Variants in LYRM4 observed in about 807,000 individuals in gnomAD.
LYRM4 encodes the protein LYR motif-containing protein 4.
Under a neutral mutation model 11.7 loss-of-function variants are expected in LYRM4, and 9 were observed. The ratio of observed to expected loss-of-function variants is 0.77; its 90% confidence interval spans 0.46 to 1.34. LYRM4 has a LOEUF of 1.34. Among genes scored for constraint, LYRM4 ranks in the 40% most tolerant of loss-of-function variants. The probability of loss-of-function intolerance (pLI) is 0.00; values close to 1 mark genes in which losing one functional copy is unlikely to be tolerated. For synonymous variants in LYRM4, 42 were observed against 40.4 expected (o/e 1.04, Z -0.15); for missense variants, 133 against 112.5 (o/e 1.18, Z -0.82).
At chr6:5,068,335 G>C in the LYRM4 span, among the ~76,000 whole-genome samples, 4 of 152,206 alleles carry the variant, frequency 2.6e-5, no homozygotes, top group Non-Finnish European at 5.9e-5. The surrounding 1 kb of genome is among the most constrained non-coding windows in gnomAD (Gnocchi z 4.0). Context: ...GTCAGGACTT[G>C]CCTGGGATCA....
the LYRM4 span, among the ~76,000 whole-genome samples, chr6:5,038,862 C>A: frequency 2.5e-3 from 33 of 13,340 alleles, 3 homozygotes; most frequent in African/African-American, 5.9e-3. Context: ...CAGAGGGAGA[C>A]CGCGGAAGGA....
At chr6:5,235,502 T>A (rs942453122) in intron 1 of LYRM4, among the ~76,000 whole-genome samples, 4 of 152,234 alleles carry the variant, frequency 2.6e-5, no homozygotes, top group Non-Finnish European at 5.9e-5. Context: ...TTTTATGTTT[T>A]GGTGACTAAT....
At chr6:5,116,504 C>T (rs1002956824) in intron 2 of LYRM4, among the ~76,000 whole-genome samples, 2 of 152,132 alleles carry the variant, frequency 1.3e-5, no homozygotes, top group African/African-American at 2.4e-5. Flanking sequence ...GGAGGCTAGC[C>T]GGGATTGCTG....
the LYRM4 span, among the ~76,000 whole-genome samples, chr6:5,047,909 T>A: frequency 6.6e-6 from 1 of 152,220 alleles, no homozygotes; most frequent in Non-Finnish European, 1.5e-5. Flanking sequence ...GTGGGGGTTA[T>A]GAGGAAGGGT....
At chr6:5,107,234 G>A (rs1762687662), downstream of LYRM4, 1 of 152,246 alleles carries the variant, frequency 6.6e-6, no homozygotes, top group Non-Finnish European at 1.5e-5. Flanking sequence ...AAAGCAACCT[G>A]CTGTTACAGC....
intron 2 of LYRM4, among the ~76,000 whole-genome samples, chr6:5,131,542 G>GA (rs1419985625): frequency 1.3e-5 from 2 of 151,988 alleles, no homozygotes; most frequent in East Asian, 3.9e-4. Context: ...TCTTAAAAGA[G>GA]AAAAAAGAAA....
downstream of LYRM4, among the ~76,000 whole-genome samples, chr6:5,101,661 G>T (rs1762501015): frequency 6.6e-6 from 1 of 152,128 alleles, no homozygotes; most frequent in African/African-American, 2.4e-5. Flanking sequence ...TATGAACCAG[G>T]ATTCAGGCAA....
intron 2 of LYRM4, among the ~76,000 whole-genome samples, chr6:5,126,729 A>G (rs1763715597): frequency 6.6e-6 from 1 of 152,220 alleles, no homozygotes; most frequent in Admixed American, 6.5e-5. Flanking sequence ...GCCAAACACA[A>G]AAGGCCACAT....
chr6:5,249,809 G>A (rs1462281050), intron 1 of LYRM4, among the ~76,000 whole-genome samples: 1 of 152,168 alleles, frequency 6.6e-6, no homozygotes, highest in African/African-American at 2.4e-5. Flanking sequence ...GTTGATTGGG[G>A]AAATACTAAG....
At chr6:5,220,982 C>A (rs1762543934) in intron 1 of LYRM4, among the ~76,000 whole-genome samples, 1 of 152,120 alleles carries the variant, frequency 6.6e-6, no homozygotes, top group Non-Finnish European at 1.5e-5. Flanking sequence ...AGCAGCATGC[C>A]ACCATGACCT....
chr6:5,233,207 T>C (rs1021404313), intron 1 of LYRM4, among the ~76,000 whole-genome samples: 1 of 152,056 alleles, frequency 6.6e-6, no homozygotes, highest in African/African-American at 2.4e-5. Context: ...AAAAAATGAG[T>C]GACTTGGCAA....
chr6:5,037,854 G>T, the LYRM4 span, among the ~76,000 whole-genome samples: 1 of 52,898 alleles, frequency 1.9e-5, no homozygotes, highest in African/African-American at 4.9e-5. Context: ...GCGGCTGGCC[G>T]GGCAGAGGGG....
rs34561251 is a variant in LYRM4 at position 5,163,620 on chromosome 6, A to AT, written c.207+52997dup. ...ATTTGCTAGTCCCAGGACTGCATTA[A>AT]TTTTTTTTTTTTTTTTTTGAGATAG... On this transcript the variant is annotated intron_variant, in intron 2 of 2. Transcript: ENST00000330636. Among the ~76,000 whole-genome samples, 275 of 136,748 alleles carry AT rather than the reference A, an allele frequency of 2.0e-3. 1 individual carries two copies. Among genetic ancestry groups the AT allele is most frequent in the Middle Eastern group, 3.6e-3 (1 of 276 alleles). 89.7% of individuals were successfully genotyped at this position (136,748 alleles called of 152,430 possible).
chr6:5,209,671 AT>A (rs1409590088), intron 2 of LYRM4, among the ~76,000 whole-genome samples: 1 of 152,198 alleles, frequency 6.6e-6, no homozygotes, highest in Non-Finnish European at 1.5e-5. Context: ...GTAACTCCCC[AT>A]TTCATAATTA....
chr6:5,085,910 T>C, the LYRM4 span: 5 of 1,530,726 alleles, frequency 3.3e-6, no homozygotes, highest in Non-Finnish European at 4.4e-6. Context: ...GGGCTAAGCC[T>C]GGCCAGCGTG....
downstream of LYRM4, chr6:5,106,859 T>C (rs545484939): frequency 6.6e-6 from 1 of 152,452 alleles, no homozygotes; most frequent in South Asian, 2.1e-4. Context: ...TAGAGAGTTC[T>C]GTGAGGCTGG....
chr6:5,247,679 G>A (rs1457457232), intron 1 of LYRM4, among the ~76,000 whole-genome samples: 1 of 152,074 alleles, frequency 6.6e-6, no homozygotes, highest in Admixed American at 6.6e-5. Context: ...GAATAAACTA[G>A]GCCAAAGGGA....
chr6:5,260,165 A>G (rs934766717), intron 1 of LYRM4, among the ~76,000 whole-genome samples: 2 of 152,168 alleles, frequency 1.3e-5, no homozygotes, highest in African/African-American at 4.8e-5. Context: ...CTTGCAACCA[A>G]AAGAACTCAT....
intron 1 of LYRM4, among the ~76,000 whole-genome samples, chr6:5,252,169 A>G (rs1764462843): frequency 6.6e-6 from 1 of 152,208 alleles, no homozygotes; most frequent in South Asian, 2.1e-4. Flanking sequence ...AACTGTGAAA[A>G]TAAACTTCTC....
Sources: allele counts gnomAD v4.1 joint callset (sites outside exome capture counted in the v4.1 genomes callset), GRCh38; gene constraint gnomAD v4.1.1; non-coding constraint Gnocchi (gnomAD v3.1); transcripts MANE v1.5; gene names NCBI Gene and HGNC (gene_info 2026-07-23, HGNC 2026-07-21).